TAFA2: variants seen among roughly 807,000 people sequenced by gnomAD.
The protein encoded by TAFA2 is chemokine-like protein TAFA-2.
A neutral mutation model predicts 18.8 loss-of-function variants in TAFA2; 7 were observed. The ratio of observed to expected loss-of-function variants is 0.37; its 90% confidence interval spans 0.21 to 0.70. The LOEUF (loss-of-function observed/expected upper bound fraction) is 0.70, where lower values mean the gene tolerates loss of function less well. TAFA2 is among the 30% of genes least tolerant of loss of function. TAFA2 has a pLI of 0.53. For synonymous variants in TAFA2, 60 were observed against 54.2 expected (o/e 1.11, Z -0.47); for missense variants, 122 against 158.1 (o/e 0.77, Z 1.23).
intron 1 of TAFA2, among the ~76,000 whole-genome samples, chr12:62,078,542 G>A (rs1868272992): frequency 6.6e-6 from 1 of 152,078 alleles, no homozygotes; most frequent in African/African-American, 2.4e-5. Context: ...ACCCAGGGGT[G>A]TAGATTTAAC....
At chr12:61,843,963 G>A (rs917065541) in intron 2 of TAFA2, among the ~76,000 whole-genome samples, 1 of 152,100 alleles carries the variant, frequency 6.6e-6, no homozygotes, top group African/African-American at 2.4e-5. Flanking sequence ...TGGTTACTTG[G>A]AAAGAGAAAA....
chr12:61,885,564 C>T (rs1055303983), intron 1 of TAFA2, among the ~76,000 whole-genome samples: 7 of 152,164 alleles, frequency 4.6e-5, no homozygotes, highest in African/African-American at 1.7e-4. Context: ...TGTGGACCAT[C>T]TGGGGAGCAT....
At chr12:62,150,474 C>G (rs1302081263) in intron 1 of TAFA2, among the ~76,000 whole-genome samples, 1 of 152,138 alleles carries the variant, frequency 6.6e-6, no homozygotes, top group African/African-American at 2.4e-5. Flanking sequence ...GACTGAGCCC[C>G]TCTTCCAACC....
intron 2 of TAFA2, among the ~76,000 whole-genome samples, chr12:61,847,555 G>C (rs1398660211): frequency 6.6e-6 from 1 of 152,072 alleles, no homozygotes; most frequent in Non-Finnish European, 1.5e-5. Flanking sequence ...AATTACGTTA[G>C]GATATAATTA....
chr12:62,202,821 C>CCTTTTTTTTTTTTTTTTTT lies in TAFA2; in HGVS notation c.-130+55941_-130+55942insAAAAAAAAAAAAAAAAAAG, dbSNP rs368047311. Among the ~76,000 whole-genome samples the CCTTTTTTTTTTTTTTTTTT allele has an allele frequency of 1.3e-4, 8 of 61,626 alleles. 2 individuals are homozygous for CCTTTTTTTTTTTTTTTTTT. The highest frequency in any genetic ancestry group is 1.2e-4 in the Non-Finnish European group (4 of 32,872). The allele number at this position is 61,626 out of a possible 152,430, so 40.4% of individuals were successfully genotyped here. ...TCAATTTACATGTAGCTGTGTGGTT[C>CCTTTTTTTTTTTTTTTTTT]TTTTTTTTTTTTTTTTTTTTTTTTT... On this transcript the variant is annotated intron_variant, in intron 1 of 5. Transcript: ENST00000551619.
intron 2 of TAFA2, among the ~76,000 whole-genome samples, chr12:61,839,948 G>A (rs937263528): frequency 6.6e-6 from 1 of 152,190 alleles, no homozygotes; most frequent in Non-Finnish European, 1.5e-5. Flanking sequence ...AGGCAAAGTT[G>A]ACATAGACAT....
intron 1 of TAFA2, among the ~76,000 whole-genome samples, chr12:62,200,921 G>GC (rs2062668230): frequency 6.6e-6 from 1 of 152,138 alleles, no homozygotes; most frequent in Non-Finnish European, 1.5e-5. Flanking sequence ...ATTTCCCTGA[G>GC]CAGTGGTTCG....
intron 1 of TAFA2, among the ~76,000 whole-genome samples, chr12:62,188,269 G>T (rs1415560830): frequency 6.6e-6 from 1 of 150,958 alleles, no homozygotes; most frequent in Non-Finnish European, 1.5e-5. Flanking sequence ...TGCACAGTAA[G>T]GTTCCTTATT....
intron 1 of TAFA2, among the ~76,000 whole-genome samples, chr12:62,036,215 A>G (rs1881607895): frequency 6.6e-6 from 1 of 152,194 alleles, no homozygotes; most frequent in African/African-American, 2.4e-5. Flanking sequence ...CCTGATTAAG[A>G]ACCACTACTA....
At chr12:62,260,013 A>C (rs1435647265), upstream of TAFA2, 3 of 216,734 alleles carry the variant, frequency 1.4e-5, no homozygotes, top group South Asian at 5.1e-5. Flanking sequence ...ACCCTACCTC[A>C]CCCTCAAGCG....
At chr12:61,833,501 AT>A (rs1205063279) in intron 2 of TAFA2, among the ~76,000 whole-genome samples, 1 of 151,834 alleles carries the variant, frequency 6.6e-6, no homozygotes, top group East Asian at 1.9e-4. Context: ...CTGGATTCTT[AT>A]TTTTTCTTAA....
chr12:62,058,785 A>AC (rs1404010553), intron 1 of TAFA2, among the ~76,000 whole-genome samples: 1 of 152,084 alleles, frequency 6.6e-6, no homozygotes, highest in African/African-American at 2.4e-5. Context: ...ACACAGTGAG[A>AC]CCCCATCTCT....
At chr12:61,955,635 ATATATATATATATATATATATATAT>A (rs1565695214) in intron 1 of TAFA2, among the ~76,000 whole-genome samples, 17 of 12,456 alleles carry the variant, frequency 1.4e-3, no homozygotes, top group South Asian at 6.8e-3. Flanking sequence ...AAAAAAAAAT[ATATATATATATATATATATATATAT>A]ATATATATAT....
At chr12:62,178,083 T>G (rs1367937423) in intron 1 of TAFA2, among the ~76,000 whole-genome samples, 1 of 152,136 alleles carries the variant, frequency 6.6e-6, no homozygotes, top group Non-Finnish European at 1.5e-5. Flanking sequence ...GAGGATCACT[T>G]GAGGCCAGGA....
chr12:61,895,622 G>A (rs553282286), intron 1 of TAFA2, among the ~76,000 whole-genome samples: 269 of 152,292 alleles, frequency 1.8e-3, no homozygotes, highest in Middle Eastern at 3.4e-3. Context: ...TACTTCAGAA[G>A]ACCTTAACAG....
intron 1 of TAFA2, among the ~76,000 whole-genome samples, chr12:62,203,394 T>C (rs1434223961): frequency 2.0e-5 from 3 of 152,230 alleles, no homozygotes; most frequent in African/African-American, 7.2e-5. Context: ...AATATCCTTG[T>C]TAATTTTCTG....
chr12:61,879,608 C>T (rs1875027246), intron 1 of TAFA2: 1 of 786,226 alleles, frequency 1.3e-6, no homozygotes, highest in Admixed American at 1.7e-5. Context: ...AGGAGCAGAT[C>T]AAGACATTCA....
At chr12:62,137,643 C>A (rs1332991784) in intron 1 of TAFA2, among the ~76,000 whole-genome samples, 1 of 152,022 alleles carries the variant, frequency 6.6e-6, no homozygotes, top group African/African-American at 2.4e-5. Flanking sequence ...AGAATCCCAA[C>A]CCCTCCCCAC....
At chr12:62,092,550 T>G (rs551860980) in intron 1 of TAFA2, among the ~76,000 whole-genome samples, 1 of 152,004 alleles carries the variant, frequency 6.6e-6, no homozygotes, top group Non-Finnish European at 1.5e-5. Flanking sequence ...CTCATTTGAC[T>G]TCTAGAATAC....
Sources: allele counts gnomAD v4.1 joint callset (sites outside exome capture counted in the v4.1 genomes callset), GRCh38; gene constraint gnomAD v4.1.1; transcripts MANE v1.5; gene names NCBI Gene and HGNC (gene_info 2026-07-23, HGNC 2026-07-21).